ZIM2: variants seen among roughly 807,000 people sequenced by gnomAD.
The protein encoded by ZIM2 is zinc finger protein 656.
In ZIM2, 14 loss-of-function variants were observed where a neutral mutation model predicts 38.6. That is an observed-to-expected ratio of 0.36 (90% CI 0.24 to 0.57). The LOEUF (loss-of-function observed/expected upper bound fraction) is 0.57, where lower values mean the gene tolerates loss of function less well. ZIM2 is among the 20% of genes least tolerant of loss of function. ZIM2 has a pLI of 0.81. For synonymous variants in ZIM2, 247 were observed against 245.8 expected (o/e 1.00, Z -0.04); for missense variants, 680 against 695.1 (o/e 0.98, Z 0.24).
At chr19:56,788,462 T>C (rs556927463) in intron 10 of ZIM2, among the ~76,000 whole-genome samples, 4 of 152,296 alleles carry the variant, frequency 2.6e-5, no homozygotes, top group South Asian at 2.1e-4. Flanking sequence ...CTTAAGAATG[T>C]TGATATTGAC....
chr19:56,818,669 C>A lies in ZIM2; in HGVS notation c.328G>T (p.Ala110Ser). 1.9e-6 allele frequency: 3 copies of A among 1,614,122 alleles called. No individual in the cohort carries two copies. Among genetic ancestry groups the A allele is most frequent in the South Asian group, 1.1e-5 (1 of 91,076 alleles). Residue 110 changes from alanine to serine, a missense_variant, in exon 8 of 13, where the codon GCT (alanine) becomes TCT (serine). By Grantham distance (99) the Ala-to-Ser change is moderately conservative (BLOSUM62 1). Transcript: ENST00000629319. ...AESYQNVVDL[A>S]EDRKPHNTIQ... ...GTGTTGTGAGGTTTCCTGTCCTCAG[C>A]GAGGTCCACCACATTTTGGTATGAT...
intron 9 of ZIM2, among the ~76,000 whole-genome samples, chr19:56,795,216 C>A (rs911975580): frequency 6.6e-6 from 1 of 152,184 alleles, no homozygotes; most frequent in Admixed American, 6.5e-5. Flanking sequence ...AGCGCAGAGC[C>A]GTCCTGGGTC....
chr19:56,794,662 C>G (rs1015593878), intron 9 of ZIM2, among the ~76,000 whole-genome samples: 15 of 152,220 alleles, frequency 9.9e-5, no homozygotes, highest in African/African-American at 3.6e-4. Flanking sequence ...ATGTCTCACT[C>G]AGTCCACCTT....
intron 1 of ZIM2, among the ~76,000 whole-genome samples, chr19:56,840,238 G>C (rs150971230): frequency 6.6e-6 from 1 of 152,326 alleles, no homozygotes; most frequent in Non-Finnish European, 1.5e-5. Flanking sequence ...AATGCCCCCG[G>C]TTTGCTGCGG....
intron 10 of ZIM2, among the ~76,000 whole-genome samples, chr19:56,789,067 CT>C (rs1291903756): frequency 6.6e-6 from 1 of 151,810 alleles, no homozygotes; most frequent in African/African-American, 2.4e-5. Context: ...TTTCAAGGTT[CT>C]TAGCTTCCTT....
chr19:56,816,420 C>T lies in ZIM2; in HGVS notation c.490+1326G>A, dbSNP rs376523755. On this transcript the variant is annotated intron_variant, in intron 9 of 12. Coordinates refer to ENST00000629319, the MANE Select transcript of ZIM2 (RefSeq NM_001387356.1). ...TCTCCTTATTGTAAGTTTTCTGACG[C>T]CTTTTAAGGGACTGACCAGGAATAA... 4.3e-6 allele frequency: 7 copies of T among 1,613,792 alleles called. No individual in the cohort carries two copies. The Admixed American group carries it at 1.0e-4, about 23-fold the overall frequency.
At chr19:56,824,690 C>G (rs199858418) in intron 3 of ZIM2, 6 of 1,567,732 alleles carry the variant, frequency 3.8e-6, no homozygotes, top group Middle Eastern at 3.4e-4. Context: ...AGGAACCAAA[C>G]ATGAGTCAAC....
chr19:56,809,140 C>T (rs1293960440), intron 9 of ZIM2, among the ~76,000 whole-genome samples: 1 of 152,170 alleles, frequency 6.6e-6, no homozygotes, highest in Non-Finnish European at 1.5e-5. Flanking sequence ...TCTTGTAACA[C>T]ATTATTTAGG....
At chr19:56,808,506 T>G (rs1351262893) in intron 9 of ZIM2, among the ~76,000 whole-genome samples, 1 of 152,092 alleles carries the variant, frequency 6.6e-6, no homozygotes. Context: ...GCCCTTTCTG[T>G]GGTTAAAAGG....
intron 9 of ZIM2, chr19:56,813,760 TC>T: frequency 6.2e-7 from 1 of 1,614,154 alleles, no homozygotes; most frequent in South Asian, 1.1e-5. Flanking sequence ...GAAGTACTTC[TC>T]ATCAGCTTGA....
intron 2 of ZIM2, among the ~76,000 whole-genome samples, chr19:56,833,915 G>T (rs1159883189): frequency 6.6e-6 from 1 of 152,004 alleles, no homozygotes; most frequent in Non-Finnish European, 1.5e-5. Context: ...TCAACATCCT[G>T]GGCTTATTTC....
intron 10 of ZIM2, among the ~76,000 whole-genome samples, chr19:56,785,989 G>T (rs369394132): frequency 6.6e-6 from 1 of 151,852 alleles, no homozygotes; most frequent in East Asian, 1.9e-4. Flanking sequence ...ACATTTCATC[G>T]CCCCAAAAGA....
intron 9 of ZIM2, chr19:56,798,887 GA>G (rs1427215772): frequency 1.3e-5 from 2 of 152,088 alleles, no homozygotes; most frequent in African/African-American, 4.8e-5. Flanking sequence ...GATCATTAGA[GA>G]AATGCACATG....
chr19:56,825,308 T>G (rs1351456332), intron 3 of ZIM2, among the ~76,000 whole-genome samples: 1 of 152,236 alleles, frequency 6.6e-6, no homozygotes, highest in East Asian at 1.9e-4. Context: ...AGTACTCAAC[T>G]CTAGGTAATA....
Position 56,775,516 on chromosome 19 carries a change from A to T in ZIM2, c.849T>A (p.Asp283Glu). 6.2e-7 allele frequency: 1 copy of T among 1,610,120 alleles called. No individual in the cohort carries two copies. The highest frequency in any genetic ancestry group is 8.5e-7 in the Non-Finnish European group (1 of 1,178,120). The change falls in exon 13 of 13, where the codon GAT becomes GAA. Residue 283 changes from aspartate (D) to glutamate (E), a missense_variant. Transcript: ENST00000629319. ...HTVICQGESH[D>E]DPLEPHQGNQ... ...TGCCCTGGTGTGGTTCCAATGGATC[A>T]TCATGAGACTCTCCTGCAGAGACAA...
chr19:56,829,265 A>T (rs1053690825), intron 2 of ZIM2, among the ~76,000 whole-genome samples: 12 of 150,032 alleles, frequency 8.0e-5, no homozygotes, highest in Non-Finnish European at 1.6e-4. Flanking sequence ...AATCACTTGG[A>T]CCCAGGAGGC....
intron 7 of ZIM2, among the ~76,000 whole-genome samples, chr19:56,818,983 G>A (rs1010817258): frequency 2.6e-5 from 4 of 152,266 alleles, no homozygotes; most frequent in African/African-American, 9.6e-5. Context: ...AACAATTAGA[G>A]AACAATAAAC....
At chr19:56,781,026 G>A (rs1002554666) in intron 11 of ZIM2, among the ~76,000 whole-genome samples, 3 of 152,178 alleles carry the variant, frequency 2.0e-5, no homozygotes, top group African/African-American at 7.2e-5. Context: ...CTGCATGAGA[G>A]CTGGAATGAT....
chr19:56,795,051 C>A (rs1172342332), intron 9 of ZIM2, among the ~76,000 whole-genome samples: 2 of 149,144 alleles, frequency 1.3e-5, no homozygotes, highest in East Asian at 3.9e-4. Flanking sequence ...TCTTTTTTTT[C>A]TTTTCTTTTT....
Sources: allele counts gnomAD v4.1 joint callset (sites outside exome capture counted in the v4.1 genomes callset), GRCh38; gene constraint gnomAD v4.1.1; transcripts MANE v1.5; gene names NCBI Gene and HGNC (gene_info 2026-07-23, HGNC 2026-07-21).